Variants in PREX1 observed in about 807,000 individuals in gnomAD.
PREX1 encodes phosphatidylinositol-3,4,5-trisphosphate dependent Rac exchange factor 1.
Under a neutral mutation model 198.3 loss-of-function variants are expected in PREX1, and 41 were observed. The ratio of observed to expected loss-of-function variants is 0.21; its 90% CI spans 0.16 to 0.27. PREX1 has a LOEUF of 0.27. PREX1 is among the 10% of genes least tolerant of loss of function. The pLI is 1.00. For missense variants in PREX1, 1,620 were observed against 2,200.7 expected (o/e 0.74, Z 5.28); for synonymous variants, 843 against 887.2 (o/e 0.95, Z 0.89).
chr20:48,750,291 C>A (rs1443623091), intron 1 of PREX1, among the ~76,000 whole-genome samples: 1 of 152,146 alleles, frequency 6.6e-6, no homozygotes, highest in Non-Finnish European at 1.5e-5. Flanking sequence ...CCCTCCTGGT[C>A]CCCTTCACCC....
chr20:48,806,809 A>C (rs1600527917), intron 1 of PREX1, among the ~76,000 whole-genome samples: 1 of 152,204 alleles, frequency 6.6e-6, no homozygotes, highest in East Asian at 1.9e-4. Context: ...TACCAAGGTC[A>C]AGATGGCCCC....
intron 35 of PREX1, among the ~76,000 whole-genome samples, 156 bp downstream of exon 35, chr20:48,632,121 C>G (rs1186904599): frequency 6.6e-6 from 1 of 152,248 alleles, no homozygotes; most frequent in East Asian, 1.9e-4. Flanking sequence ...TTGAGAATCT[C>G]ACGCAGGCAA....
At chr20:48,845,003 G>A in the PREX1 span, among the ~76,000 whole-genome samples, 1 of 152,084 alleles carries the variant, frequency 6.6e-6, no homozygotes, top group Admixed American at 6.6e-5. Context: ...TCAATTATCT[G>A]CCACATTCCC....
chr20:48,739,079 G>A (rs948647203), intron 3 of PREX1, among the ~76,000 whole-genome samples: 5 of 152,026 alleles, frequency 3.3e-5, no homozygotes, highest in Admixed American at 6.6e-5. Flanking sequence ...TCCTCACCTC[G>A]GCACGCAAAG....
At chr20:48,644,380 T>C in intron 27 of PREX1, 29 bp downstream of exon 27, 2 of 1,578,606 alleles carry the variant, frequency 1.3e-6, no homozygotes, top group Non-Finnish European at 1.7e-6. Context: ...CCTCTCTCCC[T>C]GAGCACAGGC....
rs1159107194 is a variant in PREX1 at position 48,661,444 on chromosome 20, AATAT to A, written c.1739-1387_1739-1384del. 2.7e-3 allele frequency among the ~76,000 whole-genome samples: 134 copies of A among 49,546 alleles called. 1 individual carries two copies. The highest frequency in any genetic ancestry group is 7.3e-3 in the African/African-American group (39 of 5,374). 32.5% of individuals were successfully genotyped at this position (49,546 alleles called of 152,430 possible). A position where few individuals can be genotyped will look rare whatever the true frequency, so the allele number is the denominator to read the frequency against. On this transcript the variant is annotated intron_variant, in intron 15 of 39. Transcript: ENST00000371941. ...CAAAAAAAAAAAAAAAAAAAAAAAA[AATAT>A]ATATATATATATATATATATACACA... is the stretch of plus-strand genomic sequence containing the variant.
chr20:48,666,273 G>T lies in PREX1; in HGVS notation c.1738+10C>A. 1.3e-6 allele frequency: 2 copies of T among 1,558,552 alleles called. No homozygotes were observed. The highest frequency in any genetic ancestry group is 2.4e-5 in the East Asian group (1 of 41,404). ...GTCCCGGGGGCTGGGCTGCAGGTGG[G>T]GGTGGTTACCGTGGTGCATGAAGCC... On this transcript the variant is annotated intron_variant, in intron 15 of 39. Coordinates refer to ENST00000371941, the MANE Select transcript of PREX1 (RefSeq NM_020820.4). The surrounding 1 kb of genome is among the most constrained non-coding windows in gnomAD (Gnocchi z 4.3).
chr20:48,725,011 C>CT (rs2090003380), intron 5 of PREX1, among the ~76,000 whole-genome samples: 1 of 152,224 alleles, frequency 6.6e-6, no homozygotes, highest in South Asian at 2.1e-4. Flanking sequence ...CATGGGAGAG[C>CT]TGCGTCCCAC....
At chr20:48,725,620 C>G (rs575875627) in intron 5 of PREX1, among the ~76,000 whole-genome samples, 1 of 152,272 alleles carries the variant, frequency 6.6e-6, no homozygotes, top group Non-Finnish European at 1.5e-5. Flanking sequence ...TTCATCTGTC[C>G]TCACTCATGG....
chr20:48,636,781 C>T, intron 31 of PREX1, 98 bp from the exon 32 acceptor site: 1 of 1,074,250 alleles, frequency 9.3e-7, no homozygotes, highest in Non-Finnish European at 1.3e-6. Context: ...CTCATGGAAC[C>T]CCCAGCAAAG....
At chr20:48,836,902 CAAAA>C in the PREX1 span, among the ~76,000 whole-genome samples, 1 of 56,070 alleles carries the variant, frequency 1.8e-5, no homozygotes, top group Admixed American at 2.3e-4. Context: ...ACTCTGTCTC[CAAAA>C]AAAAAAAAAA....
chr20:48,742,858 C>G (rs2090088585), intron 3 of PREX1, among the ~76,000 whole-genome samples: 1 of 152,146 alleles, frequency 6.6e-6, no homozygotes, highest in Admixed American at 6.6e-5. Flanking sequence ...ACCCACTTCC[C>G]CACAGCCTCT....
In PREX1 at chr20:48,669,467, C is replaced by T. The variant is rs572120915; in HGVS notation, c.1666-3112G>A. ...TTGCCCACCGGGTATAAGCTCCATG[C>T]GGGCAGGGACACTGCCTGCCATGTT... On this transcript the variant is annotated intron_variant, in intron 14 of 39. Transcript: ENST00000371941. Among the ~76,000 whole-genome samples the T allele has an allele frequency of 7.9e-5, 12 of 152,252 alleles. No individual in the cohort carries two copies. In the East Asian group the frequency reaches 1.9e-3, roughly 25 times the overall value.
chr20:48,649,607 A>C, intron 24 of PREX1, 31 bp from the exon 25 acceptor site: 4 of 1,548,550 alleles, frequency 2.6e-6, no homozygotes, highest in Non-Finnish European at 3.5e-6. Context: ...GCTCACTGGA[A>C]AACAGCCCCC....
Position 48,800,775 on chromosome 20 carries a change from C to T in PREX1, c.219+26867G>A, listed in dbSNP as rs1734797966. Among the ~76,000 whole-genome samples, 3 of 152,236 alleles carry T rather than the reference C, an allele frequency of 2.0e-5. No homozygotes were observed. In the South Asian group the frequency reaches 6.2e-4, roughly 32 times the overall value. On this transcript the variant is annotated intron_variant, in intron 1 of 39. Coordinates refer to ENST00000371941, the MANE Select transcript of PREX1 (RefSeq NM_020820.4). ...CGGGCCTTTATAATGAGACCAATGC[C>T]TTTAACATACATGACACATGACCTA...
chr20:48,726,826 G>A (rs1343066625), intron 4 of PREX1, among the ~76,000 whole-genome samples: 3 of 152,282 alleles, frequency 2.0e-5, no homozygotes, highest in East Asian at 3.9e-4. Flanking sequence ...AATGGGACGC[G>A]ACCTAAATAT....
intron 7 of PREX1, among the ~76,000 whole-genome samples, chr20:48,699,313 A>G (rs950080415): frequency 2.0e-5 from 3 of 152,218 alleles, no homozygotes; most frequent in Non-Finnish European, 4.4e-5. Context: ...AAGCCTCTGG[A>G]ACATCACTAT....
the PREX1 span, among the ~76,000 whole-genome samples, chr20:48,845,065 C>G: frequency 6.6e-6 from 1 of 152,208 alleles, no homozygotes; most frequent in Non-Finnish European, 1.5e-5. Flanking sequence ...TGTGATTTCT[C>G]TCATGAGTGA....
At chr20:48,764,961 C>A (rs1240870540) in intron 1 of PREX1, among the ~76,000 whole-genome samples, 4 of 151,984 alleles carry the variant, frequency 2.6e-5, no homozygotes, top group South Asian at 2.1e-4. Context: ...TCTCCCCAGA[C>A]CCCCCAGGAG....
Sources: gnomAD v4.1 joint callset for allele counts (sites outside exome capture counted in the v4.1 genomes callset) on GRCh38, gnomAD v4.1.1 for gene constraint, Gnocchi (gnomAD v3.1) non-coding constraint, MANE v1.5 for transcripts, NCBI Gene and HGNC (gene_info 2026-07-23, HGNC 2026-07-21) for gene names.